RFK: variants seen among roughly 807,000 people sequenced by gnomAD.
RFK encodes the protein riboflavin kinase, also known as 0610038L10Rik.
A neutral mutation model predicts 17.6 loss-of-function variants in RFK; 4 were observed. That is an observed-to-expected ratio of 0.23 (90% CI 0.11 to 0.52). The LOEUF (loss-of-function observed/expected upper bound fraction) is 0.52. Among genes scored for constraint, RFK ranks in the 20% least tolerant of loss-of-function variants. The pLI, the probability that RFK is intolerant of heterozygous loss-of-function variation, is 0.96. For synonymous variants in RFK, 59 were observed against 63.8 expected (o/e 0.92, Z 0.36); for missense variants, 189 against 187.7 (o/e 1.01, Z -0.04).
chr9:76,393,137 A>G (rs747246659), intron 1 of RFK, among the ~76,000 whole-genome samples: 3 of 151,890 alleles, frequency 2.0e-5, no homozygotes, highest in Non-Finnish European at 1.5e-5. Context: ...AAAAACAAGT[A>G]CCAGAGTAGA....
At position 76,394,101 on chromosome 9, in the gene RFK, C is replaced by T; in HGVS notation, c.71G>A (p.Gly24Asp). The part of the protein sequence containing the change: ...RGFGRGSKQL[G>D]IPTANFPEQV... ...CGCCCTGCTCTCACCTGTGGGGATGCCCAGCTGCTTGGAGCCGCGGCCGAA... is the reference window on the plus strand; with the variant it reads ...CGCCCTGCTCTCACCTGTGGGGATGTCCAGCTGCTTGGAGCCGCGGCCGAA... The change falls in exon 1 of 4, where the codon GGC becomes GAC. Residue 24 changes from glycine (G) to aspartate (D), a missense_variant. Around this residue, in one of 3 missense-constraint regions of RFK, gnomAD observed 90 missense variants for 75.4 expected, o/e 1.19. Coordinates refer to ENST00000376736, the MANE Select transcript of RFK (RefSeq NM_018339.6). 6.2e-7 allele frequency: 1 copy of T among 1,606,700 alleles called. No homozygotes were observed.
chr9:76,388,101 A>G (rs1822763503), intron 3 of RFK: 1 of 352,514 alleles, frequency 2.8e-6, no homozygotes, highest in African/African-American at 2.2e-5. Context: ...AAAAGCATTC[A>G]CTATTATTTT....
chr9:76,393,890 C>T, intron 1 of RFK, 200 bp downstream of exon 1: 1 of 561,190 alleles, frequency 1.8e-6, no homozygotes, highest in Non-Finnish European at 3.1e-6. Flanking sequence ...CCCCGCGGAG[C>T]TCGGAGCCAG....
At position 76,386,567 on chromosome 9, in the gene RFK, AAAG is replaced by A. The variant is rs1462316837; in HGVS notation, c.*829_*831del. On this transcript the variant is annotated 3_prime_UTR_variant, in exon 4 of 4. Coordinates refer to ENST00000376736, the MANE Select transcript of RFK (RefSeq NM_018339.6). ...GAAGAACAAGAATATTTACCATTAA[AAAG>A]AAGAAACATTATCCAACAAAAAGGA... is the stretch of plus-strand genomic sequence containing the variant. The A allele has an allele frequency of 2.6e-5, 4 of 152,214 alleles. No homozygotes were observed. Among genetic ancestry groups the A allele is most frequent in the African/African-American group, 9.6e-5 (4 of 41,452 alleles). 9.4% of individuals were successfully genotyped at this position (152,214 alleles called of 1,614,324 possible). A position where few individuals can be genotyped will look rare whatever the true frequency, so the allele number is the denominator to read the frequency against.
rs1822754046 is a variant in RFK, at chr9:76,387,482, G to A, written c.385C>T (p.Arg129Ter). 6.8e-6 allele frequency: 11 copies of A among 1,611,606 alleles called. No individual in the cohort carries two copies. The highest frequency in any genetic ancestry group is 9.3e-6 in the Non-Finnish European group (11 of 1,179,188). ...TTCAAATGTTCTGGTAACTCTAGTC[G>A]TTTCTTAGCTTCTTCAATATCACCT... is the stretch of plus-strand genomic sequence containing the variant. ...IQGDIEEAKK[R>*]LELPEHLKIK... Residue 129 changes from arginine (R) to a stop codon, truncating the protein, a stop_gained, in exon 4 of 4, where the codon CGA (arginine) becomes TGA (stop). Transcript: ENST00000376736. LOFTEE classifies it high-confidence loss of function.
At chr9:76,392,392 G>T (rs1332908471) in intron 2 of RFK, 26 bp downstream of exon 2, 1 of 1,611,442 alleles carries the variant, frequency 6.2e-7, no homozygotes, top group East Asian at 2.2e-5. Flanking sequence ...ACCATTTTCG[G>T]TTACAGAGCA....
rs1822850019 is a variant in RFK, at chr9:76,393,687, A to G, written c.82+403T>C. The stretch of plus-strand genomic sequence containing the variant: ...ACCTATGTTATCATTTGGACATTAC[A>G]TAATTACAAATTAAAAACAAAACCA... On this transcript the variant is annotated intron_variant, in intron 1 of 3. Coordinates refer to ENST00000376736, the MANE Select transcript of RFK (RefSeq NM_018339.6). 4 of 220,328 alleles carry G rather than the reference A, an allele frequency of 1.8e-5. No homozygotes were observed. In the South Asian group the frequency reaches 3.9e-4, roughly 21 times the overall value. 13.6% of individuals were successfully genotyped at this position (220,328 alleles called of 1,614,324 possible). A position where few individuals can be genotyped will look rare whatever the true frequency, so the allele number is the denominator to read the frequency against.
chr9:76,388,669 A>G lies in RFK; in HGVS notation c.235-13T>C. ...TGATATGTGTTTCCTATAGTCAAGAAATGTTACAAAGAGTGCTATCAGACT... is the reference window on the plus strand; with the variant it reads ...TGATATGTGTTTCCTATAGTCAAGAGATGTTACAAAGAGTGCTATCAGACT... On this transcript the variant is annotated splice_polypyrimidine_tract_variant and intron_variant, in intron 2 of 3. Coordinates refer to ENST00000376736, the MANE Select transcript of RFK (RefSeq NM_018339.6). 1.3e-6 allele frequency: 2 copies of G among 1,506,480 alleles called. No individual in the cohort carries two copies. Among genetic ancestry groups the G allele is most frequent in the Non-Finnish European group, 1.8e-6 (2 of 1,083,624 alleles). 93.3% of individuals were successfully genotyped at this position (1,506,480 alleles called of 1,614,324 possible).
At position 76,394,363 on chromosome 9, in the gene RFK, A is replaced by C; in HGVS notation, c.-192T>G. ...ATCCCTGACGCCGCCGACCCAACAA[A>C]TACCGCCGGGCGCCTGAGGAGCTGC... On this transcript the variant is annotated 5_prime_UTR_variant, in exon 1 of 4. Coordinates refer to ENST00000376736, the MANE Select transcript of RFK (RefSeq NM_018339.6). The C allele has an allele frequency of 2.8e-4, 131 of 472,148 alleles. No homozygotes were observed. Among genetic ancestry groups the C allele is most frequent in the East Asian group, 5.5e-4 (13 of 23,508 alleles). 29.2% of individuals were successfully genotyped at this position (472,148 alleles called of 1,614,324 possible).
rs1008468049 is a variant in RFK at position 76,388,450 on chromosome 9, A to G, written c.337+104T>C. 11 of 746,280 alleles carry G rather than the reference A, an allele frequency of 1.5e-5. No individual in the cohort carries two copies. The Admixed American group carries it at 1.5e-4, about 10-fold the overall frequency. 46.2% of individuals were successfully genotyped at this position (746,280 alleles called of 1,614,324 possible). A position where few individuals can be genotyped will look rare whatever the true frequency, so the allele number is the denominator to read the frequency against. The stretch of plus-strand genomic sequence containing the variant: ...TAAAACGGTGCCTGGCATATATTAA[A>G]TGCTCAAATATTATCTGTCCTGCCA... On this transcript the variant is annotated intron_variant, in intron 3 of 3. Transcript: ENST00000376736.
In RFK at chr9:76,394,077, GC is replaced by G. The variant is rs1447460627; in HGVS notation, c.82+12del. On this transcript the variant is annotated intron_variant, in intron 1 of 3. Coordinates refer to ENST00000376736, the MANE Select transcript of RFK (RefSeq NM_018339.6). ...TGACCCGGCCCGGGGGACTCTGGCC[GC>G]CCTGCTCTCACCTGTGGGGATGCCC... 7 of 1,589,516 alleles carry G rather than the reference GC, an allele frequency of 4.4e-6. No individual in the cohort carries two copies. The Admixed American group carries it at 1.2e-4, about 28-fold the overall frequency.
At chr9:76,389,104 G>A (rs971682960) in intron 2 of RFK, among the ~76,000 whole-genome samples, 5 of 152,204 alleles carry the variant, frequency 3.3e-5, no homozygotes, top group African/African-American at 1.2e-4. Context: ...CAGAGCTGAG[G>A]ACTGAAGGGG....
chr9:76,387,260 T>G lies in RFK; in HGVS notation c.*139A>C, dbSNP rs915480187. ...ATTTAATAGTTGAAGCATGATATGA[T>G]AACAACATTGTACGGTTTAAACTAA... is the stretch of plus-strand genomic sequence containing the variant. On this transcript the variant is annotated 3_prime_UTR_variant, in exon 4 of 4. Transcript: ENST00000376736. 5.4e-6 allele frequency: 4 copies of G among 737,680 alleles called. No homozygotes were observed. The African/African-American group carries it at 7.0e-5, about 13-fold the overall frequency. The allele number at this position is 737,680 out of a possible 1,614,324, so 45.7% of individuals were successfully genotyped here.
intron 1 of RFK, among the ~76,000 whole-genome samples, chr9:76,393,426 C>G (rs908418212): frequency 6.6e-6 from 1 of 152,110 alleles, no homozygotes; most frequent in Non-Finnish European, 1.5e-5. Flanking sequence ...AGGCTGATCT[C>G]GAACTCCTGA....
intron 2 of RFK, among the ~76,000 whole-genome samples, chr9:76,391,268 A>C (rs548567008): frequency 5.1e-4 from 77 of 152,320 alleles, no homozygotes; most frequent in African/African-American, 1.8e-3. Context: ...ACTTCTATTA[A>C]CTCCACACAG....
chr9:76,390,507 A>T (rs1026349164), intron 2 of RFK, among the ~76,000 whole-genome samples: 5 of 152,022 alleles, frequency 3.3e-5, no homozygotes, highest in Non-Finnish European at 7.4e-5. Flanking sequence ...CTATAAAAAA[A>T]TTTAAAAATA....
In RFK at chr9:76,385,528, T is replaced by C. The variant is rs1001016414; in HGVS notation, c.*1871A>G. ...AGCTGACACAGGGAAAGAAAAAATA[T>C]CACTTAGTCAAAATTTATTTCAAGG... On this transcript the variant is annotated 3_prime_UTR_variant, in exon 4 of 4. Coordinates refer to ENST00000376736, the MANE Select transcript of RFK (RefSeq NM_018339.6). The C allele has an allele frequency of 5.3e-5, 8 of 152,166 alleles. No individual in the cohort carries two copies. The highest frequency in any genetic ancestry group is 1.9e-4 in the African/African-American group (8 of 41,436). The allele number at this position is 152,166 out of a possible 1,614,324, so 9.4% of individuals were successfully genotyped here. A position where few individuals can be genotyped will look rare whatever the true frequency, so the allele number is the denominator to read the frequency against.
intron 2 of RFK, among the ~76,000 whole-genome samples, chr9:76,389,515 T>C (rs1822788402): frequency 6.6e-6 from 1 of 152,154 alleles, no homozygotes; most frequent in Non-Finnish European, 1.5e-5. Context: ...ATCCCAGCAC[T>C]TTGGGAGGCG....
chr9:76,394,006 G>A (rs928380036), intron 1 of RFK, 84 bp downstream of exon 1: 14 of 1,337,610 alleles, frequency 1.0e-5, no homozygotes, highest in Non-Finnish European at 1.4e-5. Flanking sequence ...GAGGCCCCAC[G>A]CCCCGGTCCC....
Sources: gnomAD v4.1 joint callset for allele counts (sites outside exome capture counted in the v4.1 genomes callset) on GRCh38, gnomAD v4.1.1 for gene constraint, gnomAD v4.1.1 regional missense constraint, MANE v1.5 for transcripts, NCBI Gene and HGNC (gene_info 2026-07-23, HGNC 2026-07-21) for gene names.